Variants in CCT2 observed in about 807,000 individuals in gnomAD.
The protein encoded by CCT2 is T-complex protein 1 subunit beta.
In CCT2, 18 loss-of-function variants were observed where a neutral mutation model predicts 61.8. The observed-to-expected ratio is 0.29, with a 90% CI of 0.20 to 0.43. CCT2 has a LOEUF of 0.43. CCT2 is among the 20% of genes least tolerant of loss of function. The probability of loss-of-function intolerance (pLI) is 1.00; values close to 1 mark genes in which losing one functional copy is unlikely to be tolerated. For synonymous variants in CCT2, 248 were observed against 215.9 expected, an observed-to-expected ratio of 1.15 and a Z score of -1.30; for missense variants, 556 against 656.9, an observed-to-expected ratio of 0.85 and a Z score of 1.68.
intron 7 of CCT2, among the ~76,000 whole-genome samples, chr12:69,591,514 G>A (rs192539612): frequency 1.7e-4 from 21 of 123,484 alleles, no homozygotes; most frequent in Admixed American, 1.7e-3. Flanking sequence ...TCTTGTGGTG[G>A]TGATTTTAAG....
At chr12:69,589,275 C>CACCCTCT in intron 6 of CCT2, 1 of 514,712 alleles carries the variant, frequency 1.9e-6, no homozygotes, top group Non-Finnish European at 3.2e-6. Context: ...GTGTGGCCCC[C>CACCCTCT]ACCCCTCTTT....
intron 3 of CCT2, 148 bp downstream of exon 3, chr12:69,586,966 C>T (rs567588184): frequency 1.6e-4 from 82 of 521,424 alleles, no homozygotes; most frequent in Non-Finnish European, 2.2e-4. Flanking sequence ...AATCAGAGTC[C>T]CCAGAATCAC....
chr12:69,588,269 A>G lies in CCT2; in HGVS notation c.446+7A>G, dbSNP rs2135850338. On this transcript the variant is annotated splice_region_variant and intron_variant, in intron 6 of 15. Coordinates refer to ENST00000299300, the MANE Select transcript of CCT2 (RefSeq NM_006431.3). The stretch of plus-strand genomic sequence containing the variant: ...GTTCTGCAGTTGATCATGGGTTTGT[A>G]TAGCAAAGTACTACTGTTCTAAACA... The G allele has an allele frequency of 1.3e-6, 2 of 1,578,084 alleles. No individual in the cohort carries two copies. The highest frequency in any genetic ancestry group is 1.7e-6 in the Non-Finnish European group (2 of 1,147,232).
In CCT2 at chr12:69,587,599, C is replaced by T; in HGVS notation, c.239C>T (p.Ala80Val). The change falls in exon 4 of 16, where the codon GCA becomes GTA. Residue 80 changes from alanine to valine, a missense_variant. Around this residue, in one of 3 missense-constraint regions of CCT2, gnomAD observed 308 missense variants for 350.6 expected, o/e 0.88. Transcript: ENST00000299300. Reference sequence around the variant, plus strand: ...AAAAACATTGGTGTTGACAATCCAGCAGCTAAAGTTTTAGTTGGTAAGTCT... The same window carrying T: ...AAAAACATTGGTGTTGACAATCCAGTAGCTAAAGTTTTAGTTGGTAAGTCT... Reference protein sequence around the residue: ...ILKNIGVDNPAAKVLVDMSRV... With the variant: ...ILKNIGVDNPVAKVLVDMSRV... 1 of 1,607,526 alleles carries T rather than the reference C, an allele frequency of 6.2e-7. No individual in the cohort carries two copies. The highest frequency in any genetic ancestry group is 8.5e-7 in the Non-Finnish European group (1 of 1,174,028).
rs897301575 is a variant in CCT2, at chr12:69,585,474, A to G, written c.-48A>G. On this transcript the variant is annotated 5_prime_UTR_variant, in exon 1 of 16. Transcript: ENST00000299300. ...GGCTTCCTTCAGTCCGCTGGTCCCG[A>G]GCACGAGCTGTGAGGGGATTCACTT... is the stretch of plus-strand genomic sequence containing the variant. 24 of 1,555,036 alleles carry G rather than the reference A, an allele frequency of 1.5e-5. No homozygotes were observed. Among genetic ancestry groups the G allele is most frequent in the South Asian group, 1.2e-4 (10 of 84,346 alleles).
rs1274739150 is a variant in CCT2, at chr12:69,587,521, G to A, written c.161G>A (p.Ser54Asn). 2 of 1,609,670 alleles carry A rather than the reference G, an allele frequency of 1.2e-6. No homozygotes were observed. The highest frequency in any genetic ancestry group is 1.1e-5 in the South Asian group (1 of 90,980). Reference protein sequence around the residue: ...GPKGMDKILLSSGRDASLMVT... With the variant: ...GPKGMDKILLNSGRDASLMVT... ...TCCCTTTAGGACAAAATTCTTCTAA[G>A]CAGTGGACGAGATGCCTCTCTTATG... The change falls in exon 4 of 16, where the codon AGC becomes AAC. Residue 54 changes from serine to asparagine, a missense_variant. Ser to Asn is a conservative substitution (Grantham distance 46). Around this residue, in one of 3 missense-constraint regions of CCT2, gnomAD observed 308 missense variants for 350.6 expected, o/e 0.88. Transcript: ENST00000299300.
intron 8 of CCT2, 84 bp downstream of exon 8, chr12:69,592,243 A>G (rs2135853951): frequency 1.6e-5 from 11 of 700,436 alleles, no homozygotes; most frequent in Non-Finnish European, 2.5e-5. Flanking sequence ...TTGGGAGGCC[A>G]AGGTGGTGGA....
Position 69,586,271 on chromosome 12 carries a change from C to A in CCT2, c.5C>A (p.Ala2Glu), listed in dbSNP as rs373807219. 3 of 1,611,398 alleles carry A rather than the reference C, an allele frequency of 1.9e-6. No individual in the cohort carries two copies. The highest frequency in any genetic ancestry group is 2.5e-6 in the Non-Finnish European group (3 of 1,177,510). M[A>E]SLSLAPVNIF... ...ATGCCTCTTGGTTTTCCTTTTCAGG[C>A]GTCCCTTTCCCTTGCACCTGTTAAC... Residue 2 changes from alanine to glutamate, a missense_variant and splice_region_variant, in exon 2 of 16, where the codon GCG (alanine) becomes GAG (glutamate). By Grantham distance (107) the Ala-to-Glu change is moderately radical (BLOSUM62 -1). Coordinates refer to ENST00000299300, the MANE Select transcript of CCT2 (RefSeq NM_006431.3).
chr12:69,586,393 C>T (rs769249261), intron 2 of CCT2, 49 bp downstream of exon 2: 3 of 1,346,920 alleles, frequency 2.2e-6, no homozygotes, highest in African/African-American at 1.4e-5. Context: ...GGAGGCCAGG[C>T]GCGGTGGCTT....
At position 69,587,517 on chromosome 12, in the gene CCT2, C is replaced by T. The variant is rs777399903; in HGVS notation, c.157C>T (p.Leu53=). ...ATGTTCCCTTTAGGACAAAATTCTT[C>T]TAAGCAGTGGACGAGATGCCTCTCT... The part of the protein sequence containing the change: ...LGPKGMDKIL[L]SSGRDASLMV... The change falls in exon 4 of 16, where the codon CTA becomes TTA. Residue 53 remains leucine (L), a synonymous_variant. Transcript: ENST00000299300. 6.2e-7 allele frequency: 1 copy of T among 1,607,930 alleles called. No homozygotes were observed. The highest frequency in any genetic ancestry group is 8.5e-7 in the Non-Finnish European group (1 of 1,174,600).
intron 7 of CCT2, among the ~76,000 whole-genome samples, chr12:69,590,938 C>T (rs1275206892): frequency 4.6e-5 from 7 of 151,786 alleles, no homozygotes; most frequent in African/African-American, 1.5e-4. Context: ...AGGCTGGTCT[C>T]GAACTCCTGA....
Position 69,599,073 on chromosome 12 carries a change from CATT to C in CCT2, c.1435+656_1435+658del, listed in dbSNP as rs1416636291. Reference sequence around the variant, plus strand: ...ATTAATATGGGTGATCAGTAGTTGACATTATTGTTGTTATTACTATTATTATAA... The same window carrying C: ...ATTAATATGGGTGATCAGTAGTTGACATTGTTGTTATTACTATTATTATAA... On this transcript the variant is annotated intron_variant, in intron 14 of 15. Transcript: ENST00000299300. Among the ~76,000 whole-genome samples, 85 of 152,228 alleles carry C rather than the reference CATT, an allele frequency of 5.6e-4. 1 individual carries two copies. The highest frequency in any genetic ancestry group is 3.1e-4 in the Non-Finnish European group (21 of 68,010).
chr12:69,589,536 A>G lies in CCT2; in HGVS notation c.498A>G (p.Thr166=), dbSNP rs763947918. The G allele has an allele frequency of 1.1e-5, 18 of 1,614,040 alleles. No individual in the cohort carries two copies. In the East Asian group the frequency reaches 3.1e-4, roughly 28 times the overall value. ...RQDLMNIAGT[T]LSSKLLTHHK... The stretch of plus-strand genomic sequence containing the variant: ...ATTTAATGAATATTGCGGGCACAAC[A>G]TTATCCTCAAAACTTCTTACTCATC... The change falls in exon 7 of 16, where the codon ACA becomes ACG. Residue 166 remains threonine (T), a synonymous_variant. Coordinates refer to ENST00000299300, the MANE Select transcript of CCT2 (RefSeq NM_006431.3).
At chr12:69,591,541 A>T (rs2135853326) in intron 7 of CCT2, among the ~76,000 whole-genome samples, 1 of 151,004 alleles carries the variant, frequency 6.6e-6, no homozygotes, top group Non-Finnish European at 1.5e-5. Flanking sequence ...AAAATATAGG[A>T]CTTAACCTAT....
intron 7 of CCT2, among the ~76,000 whole-genome samples, chr12:69,591,010 T>C (rs897235354): frequency 6.6e-5 from 10 of 152,156 alleles, no homozygotes; most frequent in Non-Finnish European, 1.3e-4. Flanking sequence ...TGAGCCACCA[T>C]GCCTGGCCGC....
chr12:69,586,877 A>G, intron 3 of CCT2, 59 bp downstream of exon 3: 1 of 1,006,226 alleles, frequency 9.9e-7, no homozygotes, highest in Non-Finnish European at 1.5e-6. Context: ...TGGTGGAAAT[A>G]TAATAACAAG....
In CCT2 at chr12:69,592,096, A is replaced by G. The variant is rs769728237; in HGVS notation, c.687A>G (p.Pro229=). The stretch of plus-strand genomic sequence containing the variant: ...ATAAAAAAATTGGAGTAAATCAACC[A>G]AAACGAATTGAAAATGCTAAAATTC... ...LLDKKIGVNQ[P]KRIENAKILI... Residue 229 remains proline, a synonymous_variant, in exon 8 of 16, where the codon CCA becomes CCG. Coordinates refer to ENST00000299300, the MANE Select transcript of CCT2 (RefSeq NM_006431.3). 1.9e-6 allele frequency: 3 copies of G among 1,601,522 alleles called. No homozygotes were observed. In the South Asian group the frequency reaches 3.3e-5, roughly 18 times the overall value.
intron 6 of CCT2, 95 bp from the exon 7 acceptor site, chr12:69,589,390 T>A: frequency 1.3e-6 from 1 of 785,942 alleles, no homozygotes; most frequent in Non-Finnish European, 2.1e-6. Flanking sequence ...ACAGACTTGA[T>A]CAGTTAGGGT....
chr12:69,594,686 C>G (rs1053508680), intron 10 of CCT2, among the ~76,000 whole-genome samples: 2 of 151,902 alleles, frequency 1.3e-5, no homozygotes, highest in Admixed American at 1.3e-4. Flanking sequence ...GTAAGACTGT[C>G]TCTACAAAAA....
Sources: gnomAD v4.1 joint callset for allele counts (sites outside exome capture counted in the v4.1 genomes callset) on GRCh38, gnomAD v4.1.1 for gene constraint, gnomAD v4.1.1 regional missense constraint, MANE v1.5 for transcripts, NCBI Gene and HGNC (gene_info 2026-07-23, HGNC 2026-07-21) for gene names.